The following PTPRZ1 variants were observed in gnomAD, a reference collection of about 807,000 sequenced individuals.
The protein encoded by PTPRZ1 is protein tyrosine phosphatase receptor type Z1, also known as receptor-type tyrosine-protein phosphatase zeta.
Under a neutral mutation model 214.1 loss-of-function variants are expected in PTPRZ1, and 82 were observed. The observed-to-expected ratio is 0.38, with a 90% CI of 0.32 to 0.46. The LOEUF (loss-of-function observed/expected upper bound fraction) is 0.46. PTPRZ1 is among the 20% of genes least tolerant of loss of function. The pLI, the probability that PTPRZ1 is intolerant of heterozygous loss-of-function variation, is 1.00. For synonymous variants in PTPRZ1, 945 were observed against 987.9 expected, an observed-to-expected ratio of 0.96 and a Z score of 0.81; for missense variants, 2,603 against 2,748.7, an observed-to-expected ratio of 0.95 and a Z score of 1.19.
chr7:121,936,493 G>A (rs2116404123), intron 2 of PTPRZ1, among the ~76,000 whole-genome samples: 1 of 152,282 alleles, frequency 6.6e-6, no homozygotes, highest in African/African-American at 2.4e-5. Context: ...TATAGACTGA[G>A]GCCTATAGCC....
intron 14 of PTPRZ1, among the ~76,000 whole-genome samples, chr7:122,030,863 A>G (rs142386413): frequency 7.2e-5 from 11 of 152,186 alleles, no homozygotes; most frequent in African/African-American, 2.6e-4. Context: ...CTTTGTTTAC[A>G]TAGCATATTT....
chr7:121,976,725 T>G (rs1285492452), intron 5 of PTPRZ1, 60 bp from the exon 6 acceptor site: 1 of 1,319,596 alleles, frequency 7.6e-7, no homozygotes, highest in African/African-American at 1.5e-5. Flanking sequence ...CTTCACATTT[T>G]TATTGAATAG....
At chr7:121,883,192 A>T (rs1445922818) in intron 1 of PTPRZ1, among the ~76,000 whole-genome samples, 1 of 152,220 alleles carries the variant, frequency 6.6e-6, no homozygotes, top group Non-Finnish European at 1.5e-5. Flanking sequence ...TGAACAGATT[A>T]ACTCAGTGCC....
Position 121,928,238 on chromosome 7 carries a change from T to C in PTPRZ1, c.124+17T>C, listed in dbSNP as rs775978336. 6.4e-6 allele frequency: 10 copies of C among 1,557,732 alleles called. No homozygotes were observed. In the Admixed American group the frequency reaches 1.6e-4, roughly 25 times the overall value. Reference sequence around the variant, plus strand: ...CCTATACAGGTAAACATATTACTTATATAATGAGATTTAGCAGAAACTTTT... The same window carrying C: ...CCTATACAGGTAAACATATTACTTACATAATGAGATTTAGCAGAAACTTTT... On this transcript the variant is annotated intron_variant, in intron 2 of 29. Coordinates refer to ENST00000393386, the MANE Select transcript of PTPRZ1 (RefSeq NM_002851.3).
Position 122,011,783 on chromosome 7 carries a change from A to G in PTPRZ1, c.2737A>G (p.Ser913Gly). The part of the protein sequence containing the change: ...LMFSQVEPPS[S>G]DAMMHARSSG... ...GTTTTCTCAAGTTGAACCACCCAGC[A>G]GTGATGCCATGATGCATGCACGTTC... The change falls in exon 12 of 30, where the codon AGT (serine) becomes GGT (glycine). Residue 913 changes from serine to glycine, a missense_variant. Transcript: ENST00000393386. 1.2e-6 allele frequency: 2 copies of G among 1,614,150 alleles called. No homozygotes were observed. Among genetic ancestry groups the G allele is most frequent in the South Asian group, 2.2e-5 (2 of 91,090 alleles).
chr7:122,026,183 C>T (rs961150946), intron 13 of PTPRZ1, among the ~76,000 whole-genome samples: 1 of 152,092 alleles, frequency 6.6e-6, no homozygotes, highest in African/African-American at 2.4e-5. Flanking sequence ...AAGGAGGATT[C>T]AAAAGGAGTG....
At chr7:122,058,005 T>C (rs1792423644) in intron 27 of PTPRZ1, among the ~76,000 whole-genome samples, 1 of 151,324 alleles carries the variant, frequency 6.6e-6, no homozygotes, top group South Asian at 2.1e-4. Flanking sequence ...TATATATGTG[T>C]GCTTGTTCTA....
At position 122,053,947 on chromosome 7, in the gene PTPRZ1, A is replaced by G. The variant is rs1404329451; in HGVS notation, c.6290A>G (p.His2097Arg). The G allele has an allele frequency of 6.2e-7, 1 of 1,613,206 alleles. No homozygotes were observed. Among genetic ancestry groups the G allele is most frequent in the Non-Finnish European group, 8.5e-7 (1 of 1,179,388 alleles). The change falls in exon 26 of 30, where the codon CAC (histidine) becomes CGC (arginine). Residue 2097 changes from histidine to arginine, a missense_variant. Coordinates refer to ENST00000393386, the MANE Select transcript of PTPRZ1 (RefSeq NM_002851.3). ...AGCAATGAATTCATCATTACCCAGCACCCTCTCCTTCATACCATCAAGGAT... is the reference window on the plus strand; with the variant it reads ...AGCAATGAATTCATCATTACCCAGCGCCCTCTCCTTCATACCATCAAGGAT... ...YQSNEFIITQ[H>R]PLLHTIKDFW... is the part of the protein sequence containing the mutation.
chr7:122,018,512 C>G (rs1167870960), intron 12 of PTPRZ1, among the ~76,000 whole-genome samples: 1 of 149,358 alleles, frequency 6.7e-6, no homozygotes, highest in African/African-American at 2.5e-5. Flanking sequence ...CCTGAAATTG[C>G]ATTTTTTTTT....
At chr7:122,034,543 C>T (rs1385524384) in intron 17 of PTPRZ1, among the ~76,000 whole-genome samples, 165 bp downstream of exon 17, 1 of 152,126 alleles carries the variant, frequency 6.6e-6, no homozygotes, top group Non-Finnish European at 1.5e-5. Context: ...CATTATATCA[C>T]TCTGACTTAA....
intron 1 of PTPRZ1, among the ~76,000 whole-genome samples, chr7:121,893,475 TGAAATGGA>T (rs1266243072): frequency 1.3e-5 from 2 of 152,216 alleles, no homozygotes; most frequent in Non-Finnish European, 2.9e-5. Flanking sequence ...TTCTGTCAAA[TGAAATGGA>T]GAAATGGAGA....
rs535627076 is a variant in PTPRZ1, at chr7:122,047,662, T to TTC, written c.6084+3094_6084+3095insTC. ...ACATATATTCCTTTTTTTTTTTTTT[T>TTC]CTCTGAGACAGGGTCTCACTCTGTC... On this transcript the variant is annotated intron_variant, in intron 23 of 29. Transcript: ENST00000393386. Among the ~76,000 whole-genome samples, 393 of 145,432 alleles carry TTC rather than the reference T, an allele frequency of 2.7e-3. 4 individuals carry two copies. The highest frequency in any genetic ancestry group is 0.026 in the East Asian group (128 of 4,924).
chr7:121,961,836 G>A (rs1480997212), intron 2 of PTPRZ1, among the ~76,000 whole-genome samples: 1 of 152,200 alleles, frequency 6.6e-6, no homozygotes, highest in Non-Finnish European at 1.5e-5. Context: ...ATTTATAGGA[G>A]TGTTACTAAT....
chr7:121,889,414 C>T (rs1348679932), intron 1 of PTPRZ1, among the ~76,000 whole-genome samples: 2 of 152,158 alleles, frequency 1.3e-5, no homozygotes, highest in Non-Finnish European at 2.9e-5. Flanking sequence ...TGAATGTTTA[C>T]AGCTGACTGT....
chr7:122,034,908 C>T (rs2150472881), intron 17 of PTPRZ1, among the ~76,000 whole-genome samples: 1 of 152,178 alleles, frequency 6.6e-6, no homozygotes, highest in African/African-American at 2.4e-5. Context: ...CCTCAATGAG[C>T]AGCTATCTGG....
At chr7:122,036,827 T>A in intron 18 of PTPRZ1, 145 bp downstream of exon 18, 1 of 618,824 alleles carries the variant, frequency 1.6e-6, no homozygotes, top group South Asian at 2.4e-5. Flanking sequence ...AGTAAATAAT[T>A]TTTAAGAGAG....
chr7:121,885,952 C>T (rs980723177), intron 1 of PTPRZ1, among the ~76,000 whole-genome samples: 1 of 152,084 alleles, frequency 6.6e-6, no homozygotes, highest in Non-Finnish European at 1.5e-5. Context: ...CATATAAACC[C>T]TTTTATGGTG....
At chr7:122,006,782 G>A (rs768874288) in intron 11 of PTPRZ1, among the ~76,000 whole-genome samples, 2 of 152,112 alleles carry the variant, frequency 1.3e-5, no homozygotes, top group African/African-American at 4.8e-5. Context: ...CCACACTCAA[G>A]TGGAGTCATG....
At chr7:121,885,955 T>A (rs1205740566) in intron 1 of PTPRZ1, among the ~76,000 whole-genome samples, 1 of 152,130 alleles carries the variant, frequency 6.6e-6, no homozygotes, top group East Asian at 1.9e-4. Flanking sequence ...ATAAACCCTT[T>A]TATGGTGACA....
Sources: gnomAD v4.1 joint callset for allele counts (sites outside exome capture counted in the v4.1 genomes callset) on GRCh38, gnomAD v4.1.1 for gene constraint, MANE v1.5 for transcripts, NCBI Gene and HGNC (gene_info 2026-07-23, HGNC 2026-07-21) for gene names.